Variants in EPRS1 observed in about 807,000 individuals in gnomAD.
EPRS1 encodes the protein glutamyl-prolyl-tRNA synthetase 1, also known as bifunctional glutamate/proline--tRNA ligase.
EPRS1 carries 107 observed loss-of-function variants against 188.3 expected under a neutral mutation model. The observed-to-expected ratio is 0.57, with a 90% CI of 0.49 to 0.67. EPRS1 has a LOEUF of 0.67. Among genes scored for constraint, EPRS1 ranks in the 30% least tolerant of loss-of-function variants. The pLI, the probability that EPRS1 is intolerant of heterozygous loss-of-function variation, is 0.00. For synonymous variants in EPRS1, 596 were observed against 593.1 expected, an observed-to-expected ratio of 1.00 and a Z score of -0.07; for missense variants, 1,577 against 1,802.2, an observed-to-expected ratio of 0.88 and a Z score of 2.26.
intron 8 of EPRS1, among the ~76,000 whole-genome samples, chr1:220,023,703 A>G (rs1375802346): frequency 5.9e-5 from 9 of 152,260 alleles, no homozygotes; most frequent in Non-Finnish European, 1.3e-4. Context: ...AATCCTTCAA[A>G]TTGAATGAAT....
chr1:219,974,496 A>G (rs767787844), intron 28 of EPRS1, among the ~76,000 whole-genome samples: 2 of 152,210 alleles, frequency 1.3e-5, no homozygotes, highest in Non-Finnish European at 2.9e-5. Context: ...GTAGATTTTA[A>G]GTAATTTTTT....
intron 1 of EPRS1, among the ~76,000 whole-genome samples, chr1:220,045,181 G>C (rs368505463): frequency 1.4e-4 from 21 of 152,334 alleles, no homozygotes; most frequent in African/African-American, 4.1e-4. Context: ...TACTGTGTGT[G>C]TATTATCATA....
chr1:220,022,591 G>A (rs1661898757), intron 8 of EPRS1, 73 bp from the exon 9 acceptor site: 1 of 1,222,164 alleles, frequency 8.2e-7, no homozygotes, highest in Admixed American at 2.4e-5. Context: ...GCTATAATTT[G>A]ATATAAATTT....
At chr1:219,979,938 G>A in intron 26 of EPRS1, 147 bp downstream of exon 26, 1 of 722,614 alleles carries the variant, frequency 1.4e-6, no homozygotes, top group Non-Finnish European at 2.3e-6. Flanking sequence ...CAGAGGAATG[G>A]GATAGATTTG....
In EPRS1 at chr1:220,033,678, A is replaced by C; in HGVS notation, c.232-20T>G. On this transcript the variant is annotated intron_variant, in intron 3 of 31. Coordinates refer to ENST00000366923, the MANE Select transcript of EPRS1 (RefSeq NM_004446.3). ...ATCAATCTGTCAACATAAAAGACAG[A>C]AAAGAAATGCATTCCAACATTTCAA... The C allele has an allele frequency of 6.4e-7, 1 of 1,563,434 alleles. No homozygotes were observed. Among genetic ancestry groups the C allele is most frequent in the Non-Finnish European group, 8.7e-7 (1 of 1,146,376 alleles).
intron 28 of EPRS1, among the ~76,000 whole-genome samples, chr1:219,978,268 C>G (rs918488300): frequency 1.3e-5 from 2 of 152,240 alleles, no homozygotes; most frequent in Non-Finnish European, 2.9e-5. Flanking sequence ...TTTTAGTATA[C>G]TAGTTACGTG....
In EPRS1 at chr1:220,014,673, G is replaced by C. The variant is rs917922797; in HGVS notation, c.1495-3617C>G. Among the ~76,000 whole-genome samples the C allele has an allele frequency of 3.3e-5, 5 of 152,298 alleles. No homozygotes were observed. In the East Asian group the frequency reaches 7.7e-4, roughly 24 times the overall value. Reference sequence around the variant, plus strand: ...CCTCTGGGAAAACTGCCTAATCCTTGAGAAAAGATATAAAATTACTGACAT... The same window carrying C: ...CCTCTGGGAAAACTGCCTAATCCTTCAGAAAAGATATAAAATTACTGACAT... On this transcript the variant is annotated intron_variant, in intron 12 of 31. Coordinates refer to ENST00000366923, the MANE Select transcript of EPRS1 (RefSeq NM_004446.3).
chr1:220,006,268 C>T lies in EPRS1; in HGVS notation c.1788G>A (p.Leu596=). The change falls in exon 15 of 32, where the codon TTG becomes TTA. Residue 596 remains leucine, a synonymous_variant. Coordinates refer to ENST00000366923, the MANE Select transcript of EPRS1 (RefSeq NM_004446.3). The stretch of plus-strand genomic sequence containing the variant: ...TGGTTTTCTTGTAGTCTTTGTTTTC[C>T]AAATTCAACTTTGCATCAAGAGATA... The part of the protein sequence containing the change: ...KIISLDAKLN[L]ENKDYKKTTK... 6.3e-7 allele frequency: 1 copy of T among 1,590,442 alleles called. No individual in the cohort carries two copies. Among genetic ancestry groups the T allele is most frequent in the East Asian group, 2.3e-5 (1 of 43,988 alleles).
At chr1:219,975,160 G>C (rs1461433660) in intron 28 of EPRS1, among the ~76,000 whole-genome samples, 1 of 152,168 alleles carries the variant, frequency 6.6e-6, no homozygotes, top group Non-Finnish European at 1.5e-5. Context: ...GAGGGCCACT[G>C]GTAGCCCACA....
intron 21 of EPRS1, 125 bp downstream of exon 21, chr1:219,984,081 G>C (rs576999088): frequency 7.2e-6 from 5 of 690,004 alleles, no homozygotes; most frequent in Non-Finnish European, 1.3e-5. Context: ...TGACTACACT[G>C]TGTATTATTA....
rs1294178096 is a variant in EPRS1 at position 220,004,368 on chromosome 1, G to C, written c.2063+880C>G. ...AGATTTTTTAACAGTAGAGAAATGTGATAAAACTGTTACTCTTAAATTTTC... is the reference window on the plus strand; with the variant it reads ...AGATTTTTTAACAGTAGAGAAATGTCATAAAACTGTTACTCTTAAATTTTC... On this transcript the variant is annotated intron_variant, in intron 16 of 31. Transcript: ENST00000366923. Among the ~76,000 whole-genome samples, 10 of 152,196 alleles carry C rather than the reference G, an allele frequency of 6.6e-5. No individual in the cohort carries two copies. In the East Asian group the frequency reaches 1.9e-3, roughly 29 times the overall value.
At chr1:219,973,729 A>T (rs529555141) in intron 28 of EPRS1, among the ~76,000 whole-genome samples, 5 of 152,268 alleles carry the variant, frequency 3.3e-5, no homozygotes, top group Admixed American at 2.6e-4. Flanking sequence ...TTAAACGAAG[A>T]CTTTTTGAGG....
chr1:220,022,700 G>A (rs1168868708), intron 8 of EPRS1, among the ~76,000 whole-genome samples, 182 bp from the exon 9 acceptor site: 1 of 152,130 alleles, frequency 6.6e-6, no homozygotes, highest in African/African-American at 2.4e-5. Context: ...TTTAATTAAA[G>A]AAGTTTCACA....
intron 12 of EPRS1, among the ~76,000 whole-genome samples, chr1:220,013,437 T>G (rs1661644849): frequency 6.6e-6 from 1 of 152,160 alleles, no homozygotes. Context: ...CCACGTACAA[T>G]TCACTCCTAA....
At chr1:219,983,120 A>T in intron 22 of EPRS1, 69 bp downstream of exon 22, 1 of 1,332,400 alleles carries the variant, frequency 7.5e-7, no homozygotes, top group Non-Finnish European at 1.0e-6. Context: ...ATTGGTTGTT[A>T]AAAGTTGAAA....
chr1:220,037,505 C>CAAAAAAAA (rs766349279), intron 2 of EPRS1, among the ~76,000 whole-genome samples: 2 of 52,326 alleles, frequency 3.8e-5, no homozygotes, highest in Non-Finnish European at 8.2e-5. Context: ...ACTCCATCTC[C>CAAAAAAAA]AAAAAAAAAA....
intron 21 of EPRS1, 125 bp from the exon 22 acceptor site, chr1:219,983,523 G>A: frequency 1.5e-6 from 1 of 648,642 alleles, no homozygotes. Flanking sequence ...CCCTTAATGT[G>A]GGAGGTCATA....
At chr1:220,018,886 G>C in intron 11 of EPRS1, 109 bp downstream of exon 11, 1 of 662,810 alleles carries the variant, frequency 1.5e-6, no homozygotes, top group South Asian at 2.7e-5. Flanking sequence ...GGATCATAAG[G>C]CACAAACAAG....
At chr1:220,019,927 T>C in intron 10 of EPRS1, 61 bp downstream of exon 10, 1 of 1,207,276 alleles carries the variant, frequency 8.3e-7, no homozygotes, top group Non-Finnish European at 1.2e-6. Context: ...TCAAGCAGTT[T>C]AAAAATCACT....
Sources: allele counts gnomAD v4.1 joint callset (sites outside exome capture counted in the v4.1 genomes callset), GRCh38; gene constraint gnomAD v4.1.1; transcripts MANE v1.5; gene names NCBI Gene and HGNC (gene_info 2026-07-23, HGNC 2026-07-21).